CAMTA1: variants seen among roughly 807,000 people sequenced by gnomAD.
CAMTA1 encodes calmodulin-binding transcription activator 1.
CAMTA1 carries 27 observed loss-of-function variants against 170.9 expected under a neutral mutation model. That is an observed-to-expected ratio of 0.16 (90% CI 0.12 to 0.22). The LOEUF (loss-of-function observed/expected upper bound fraction) is 0.22. Among genes scored for constraint, CAMTA1 ranks in the 10% least tolerant of loss-of-function variants. The pLI is 1.00. For synonymous variants in CAMTA1, 833 were observed against 891.5 expected (o/e 0.93, Z 1.17); for missense variants, 1,619 against 2,217.2 (o/e 0.73, Z 5.42).
chr1:7,181,223 T>C (rs1012500834), intron 4 of CAMTA1, among the ~76,000 whole-genome samples: 4 of 152,236 alleles, frequency 2.6e-5, no homozygotes, highest in African/African-American at 7.2e-5. Context: ...TTGAAGAAAA[T>C]AGGAATAAAT....
At position 7,251,403 on chromosome 1, in the gene CAMTA1, C is replaced by T. The variant is rs747251197; in HGVS notation, c.438+1777C>T. ...GCAACAGTCTGTCCCCTCAGAACTTCGGGAAAGGGAGACGGGCAGGATGGG... is the reference window on the plus strand; with the variant it reads ...GCAACAGTCTGTCCCCTCAGAACTTTGGGAAAGGGAGACGGGCAGGATGGG... On this transcript the variant is annotated intron_variant, in intron 5 of 22. Coordinates refer to ENST00000303635, the MANE Select transcript of CAMTA1 (RefSeq NM_015215.4). This position sits in a 1 kb window ranked among gnomAD's most constrained non-coding sequence, Gnocchi z 5.1. Among the ~76,000 whole-genome samples the T allele has an allele frequency of 6.6e-6, 1 of 152,088 alleles. No homozygotes were observed. The highest frequency in any genetic ancestry group is 1.5e-5 in the Non-Finnish European group (1 of 68,024).
rs1451333861 is a variant in CAMTA1, at chr1:7,293,662, G to T, written c.438+44036G>T. Among the ~76,000 whole-genome samples the T allele has an allele frequency of 6.6e-6, 1 of 152,198 alleles. No homozygotes were observed. Among genetic ancestry groups the T allele is most frequent in the South Asian group, 2.1e-4 (1 of 4,826 alleles). On this transcript the variant is annotated intron_variant, in intron 5 of 22. Transcript: ENST00000303635. The surrounding 1 kb of genome is among the most constrained non-coding windows in gnomAD (Gnocchi z 4.1). Reference sequence around the variant, plus strand: ...GATTGAAGGGGGGTGGAAATAGATTGCATCCCACTTAGGACTCTCAGTGGG... The same window carrying T: ...GATTGAAGGGGGGTGGAAATAGATTTCATCCCACTTAGGACTCTCAGTGGG...
At chr1:7,134,633 T>C (rs1197166824) in intron 4 of CAMTA1, among the ~76,000 whole-genome samples, 3 of 152,154 alleles carry the variant, frequency 2.0e-5, no homozygotes, top group African/African-American at 7.2e-5. Context: ...TAATCTACCA[T>C]TGATGGACAC....
intron 6 of CAMTA1, among the ~76,000 whole-genome samples, chr1:7,496,147 G>A (rs1411521336): frequency 6.6e-6 from 1 of 152,224 alleles, no homozygotes; most frequent in East Asian, 1.9e-4. Context: ...CTCTCCCCGG[G>A]CTGCCTTTGC....
intron 3 of CAMTA1, among the ~76,000 whole-genome samples, chr1:7,016,009 C>G (rs185778928): frequency 6.6e-6 from 1 of 152,328 alleles, no homozygotes; most frequent in East Asian, 1.9e-4. Flanking sequence ...ATGATTCAGT[C>G]ACCTCCCCCA....
chr1:7,159,059 A>G (rs542741099), intron 4 of CAMTA1, among the ~76,000 whole-genome samples: 7 of 151,844 alleles, frequency 4.6e-5, no homozygotes, highest in Admixed American at 1.3e-4. Context: ...AGTGTTACGT[A>G]CTATTTTTTT....
intron 5 of CAMTA1, among the ~76,000 whole-genome samples, chr1:7,448,232 T>C (rs547422373): frequency 4.6e-5 from 7 of 152,312 alleles, no homozygotes; most frequent in African/African-American, 1.7e-4. Context: ...GGCATGGACA[T>C]GGAGTGGGGG....
At chr1:6,866,627 G>A (rs1385800691) in intron 3 of CAMTA1, among the ~76,000 whole-genome samples, 1 of 152,112 alleles carries the variant, frequency 6.6e-6, no homozygotes, top group Non-Finnish European at 1.5e-5. Context: ...CAATGCAGCA[G>A]GCCAATCGGA....
chr1:7,113,400 C>T lies in CAMTA1; in HGVS notation c.302+22029C>T, dbSNP rs192403584. ...GACACTCAGGTGGAGAAGCCAGATGCGGCCCCCTTGGAGAGGGGTCATCTT... is the reference window on the plus strand; with the variant it reads ...GACACTCAGGTGGAGAAGCCAGATGTGGCCCCCTTGGAGAGGGGTCATCTT... On this transcript the variant is annotated intron_variant, in intron 4 of 22. Transcript: ENST00000303635. The surrounding 1 kb of genome is among the most constrained non-coding windows in gnomAD (Gnocchi z 4.5). Among the ~76,000 whole-genome samples the T allele has an allele frequency of 2.2e-3, 339 of 152,272 alleles. 1 individual carries two copies. The highest frequency in any genetic ancestry group is 7.3e-3 in the African/African-American group (302 of 41,570).
chr1:6,856,104 T>G (rs1570982172), intron 3 of CAMTA1, among the ~76,000 whole-genome samples: 1 of 152,054 alleles, frequency 6.6e-6, no homozygotes, highest in Non-Finnish European at 1.5e-5. Context: ...GGCTGCTGGG[T>G]ATGGCCTGCT....
Position 7,251,138 on chromosome 1 carries a change from C to G in CAMTA1, c.438+1512C>G, listed in dbSNP as rs1666577384. On this transcript the variant is annotated intron_variant, in intron 5 of 22. Coordinates refer to ENST00000303635, the MANE Select transcript of CAMTA1 (RefSeq NM_015215.4). The surrounding 1 kb of genome is among the most constrained non-coding windows in gnomAD (Gnocchi z 5.1). Reference sequence around the variant, plus strand: ...TCACGGCAGCTCCTGTGCCCGTAGGCCCCTGGTATATTTCATCTTTAGTAA... The same window carrying G: ...TCACGGCAGCTCCTGTGCCCGTAGGGCCCTGGTATATTTCATCTTTAGTAA... Among the ~76,000 whole-genome samples the G allele has an allele frequency of 6.6e-6, 1 of 152,136 alleles. No homozygotes were observed. Among genetic ancestry groups the G allele is most frequent in the Admixed American group, 6.5e-5 (1 of 15,280 alleles).
At chr1:7,552,229 G>A (rs1216242824) in intron 6 of CAMTA1, among the ~76,000 whole-genome samples, 1 of 152,212 alleles carries the variant, frequency 6.6e-6, no homozygotes, top group Non-Finnish European at 1.5e-5. Flanking sequence ...TGGAGGCAAG[G>A]GAACGATGCT....
At chr1:7,447,520 G>T (rs1018485373) in intron 5 of CAMTA1, among the ~76,000 whole-genome samples, 18 of 152,066 alleles carry the variant, frequency 1.2e-4, no homozygotes, top group African/African-American at 4.3e-4. Context: ...CTTCTCAAAG[G>T]CCTCAGGGGA....
At chr1:7,031,760 G>C (rs563965541) in intron 3 of CAMTA1, among the ~76,000 whole-genome samples, 3 of 152,106 alleles carry the variant, frequency 2.0e-5, no homozygotes, top group South Asian at 2.1e-4. Flanking sequence ...CCAGGATGGT[G>C]TTGATCTCCT....
chr1:7,027,182 C>T (rs949200120), intron 3 of CAMTA1, among the ~76,000 whole-genome samples: 3 of 152,046 alleles, frequency 2.0e-5, no homozygotes, highest in Non-Finnish European at 4.4e-5. Flanking sequence ...CGTTATCTTT[C>T]TCGCCTCTGG....
At chr1:7,345,733 C>T (rs1219276011) in intron 5 of CAMTA1, among the ~76,000 whole-genome samples, 1 of 152,168 alleles carries the variant, frequency 6.6e-6, no homozygotes, top group Non-Finnish European at 1.5e-5. Flanking sequence ...CAGGGCTGGG[C>T]ATGCAGTCAG....
intron 5 of CAMTA1, among the ~76,000 whole-genome samples, chr1:7,367,368 C>A (rs1227644677): frequency 6.6e-6 from 1 of 152,278 alleles, no homozygotes; most frequent in African/African-American, 2.4e-5. Flanking sequence ...GCTCACTCCA[C>A]ATCATAATGG....
At chr1:6,995,221 G>T (rs1017720170) in intron 3 of CAMTA1, among the ~76,000 whole-genome samples, 3 of 147,058 alleles carry the variant, frequency 2.0e-5, no homozygotes, top group Non-Finnish European at 4.5e-5. Context: ...TTTTGGGCCA[G>T]TCATTATTTG....
At chr1:7,188,748 G>C (rs1212408430) in intron 4 of CAMTA1, among the ~76,000 whole-genome samples, 1 of 152,168 alleles carries the variant, frequency 6.6e-6, no homozygotes, top group Non-Finnish European at 1.5e-5. Context: ...TTTTGGCTAT[G>C]TGAACAATCC....
Sources: allele counts gnomAD v4.1 joint callset (sites outside exome capture counted in the v4.1 genomes callset), GRCh38; gene constraint gnomAD v4.1.1; non-coding constraint Gnocchi (gnomAD v3.1); transcripts MANE v1.5; gene names NCBI Gene and HGNC (gene_info 2026-07-23, HGNC 2026-07-21).